The following SEMA6D variants were observed in gnomAD, a reference collection of about 807,000 sequenced individuals.
The protein encoded by SEMA6D is semaphorin 6D, also known as semaphorin-6D.
A neutral mutation model predicts 106.6 loss-of-function variants in SEMA6D; 35 were observed. That is an observed-to-expected ratio of 0.33 (90% CI 0.25 to 0.44). The LOEUF (loss-of-function observed/expected upper bound fraction) is 0.44, where lower values mean the gene tolerates loss of function less well. SEMA6D is among the 20% of genes least tolerant of loss of function. SEMA6D has a pLI of 1.00. For synonymous variants in SEMA6D, 499 were observed against 487.7 expected, an observed-to-expected ratio of 1.02 and a Z score of -0.31; for missense variants, 1,185 against 1,345.9, an observed-to-expected ratio of 0.88 and a Z score of 1.87.
intron 4 of SEMA6D, among the ~76,000 whole-genome samples, chr15:47,601,253 C>T (rs2076651940): frequency 6.6e-6 from 1 of 152,088 alleles, no homozygotes; most frequent in Admixed American, 6.6e-5. Context: ...GGCCTTGCAC[C>T]TCTCCAAAGC....
intron 1 of SEMA6D, among the ~76,000 whole-genome samples, chr15:47,331,916 A>G (rs1349106422): frequency 6.6e-6 from 1 of 152,158 alleles, no homozygotes; most frequent in East Asian, 1.9e-4. Context: ...CAGAAACCTA[A>G]TGGAGTGATG....
intron 1 of SEMA6D, among the ~76,000 whole-genome samples, chr15:47,348,781 G>A (rs635106): frequency 0.53 from 76,421 of 144,906 alleles, 23,269 homozygotes; most frequent in African/African-American, 0.85. Flanking sequence ...TTCCTGCTAT[G>A]CCAGACCAGA....
chr15:47,362,251 C>G (rs281267), intron 1 of SEMA6D, among the ~76,000 whole-genome samples: 96,361 of 152,018 alleles, frequency 0.63, 31,618 homozygotes, highest in Non-Finnish European at 0.72. Context: ...ACAACTCACG[C>G]CTGCCTTGGT....
At chr15:47,423,655 A>G (rs1487045448) in intron 2 of SEMA6D, among the ~76,000 whole-genome samples, 2 of 152,022 alleles carry the variant, frequency 1.3e-5, no homozygotes, top group Non-Finnish European at 2.9e-5. Context: ...CATGTTTTGG[A>G]TATACAATAA....
intron 2 of SEMA6D, among the ~76,000 whole-genome samples, chr15:47,417,619 G>A (rs1472916301): frequency 6.6e-6 from 1 of 152,016 alleles, no homozygotes; most frequent in Non-Finnish European, 1.5e-5. Context: ...AATTCTTAAT[G>A]TTGTTTTGGT....
At chr15:47,630,835 C>T (rs1334197639) in intron 4 of SEMA6D, among the ~76,000 whole-genome samples, 2 of 151,768 alleles carry the variant, frequency 1.3e-5, no homozygotes, top group Non-Finnish European at 3.0e-5. Context: ...AATGTTTCTT[C>T]TCTATCAATT....
chr15:47,579,389 A>C (rs2076216095), intron 3 of SEMA6D, among the ~76,000 whole-genome samples: 1 of 151,764 alleles, frequency 6.6e-6, no homozygotes. Flanking sequence ...TGACCCACCC[A>C]CCTAGGCCTC....
intron 2 of SEMA6D, among the ~76,000 whole-genome samples, chr15:47,436,942 AAAAAT>A (rs2041732005): frequency 6.7e-6 from 1 of 148,630 alleles, no homozygotes; most frequent in Non-Finnish European, 1.5e-5. Context: ...TCAGAAAAAA[AAAAAT>A]AAAAGAAGAA....
intron 1 of SEMA6D, among the ~76,000 whole-genome samples, chr15:47,246,383 C>T (rs575040801): frequency 1.1e-4 from 17 of 152,188 alleles, no homozygotes; most frequent in South Asian, 1.0e-3. Context: ...GTACAGCCTA[C>T]GGTACAGGGC....
At chr15:47,237,798 CT>C (rs1277515769) in intron 1 of SEMA6D, among the ~76,000 whole-genome samples, 1 of 152,074 alleles carries the variant, frequency 6.6e-6, no homozygotes, top group Non-Finnish European at 1.5e-5. Flanking sequence ...AGGGAAGATT[CT>C]GAGGCCCTGG....
At chr15:47,333,227 T>G (rs2037414081) in intron 1 of SEMA6D, among the ~76,000 whole-genome samples, 1 of 152,170 alleles carries the variant, frequency 6.6e-6, no homozygotes, top group Non-Finnish European at 1.5e-5. Context: ...AGATAAGTCA[T>G]GATTAACAGA....
intron 2 of SEMA6D, chr15:47,470,451 CTTTTT>C (rs913812749): frequency 6.7e-6 from 1 of 149,992 alleles, no homozygotes; most frequent in African/African-American, 2.5e-5. Context: ...TATTTTTGTT[CTTTTT>C]TTTTCTATTT....
At chr15:47,757,026 T>C (rs2081790662) in intron 1 of SEMA6D, among the ~76,000 whole-genome samples, 1 of 151,884 alleles carries the variant, frequency 6.6e-6, no homozygotes, top group Non-Finnish European at 1.5e-5. Flanking sequence ...TTCTGCAGTG[T>C]CAGATGAATG....
intron 4 of SEMA6D, among the ~76,000 whole-genome samples, chr15:47,667,953 C>T (rs1326232242): frequency 6.6e-6 from 1 of 152,176 alleles, no homozygotes. Flanking sequence ...TTTTCCTTCT[C>T]TATTTATTCC....
At chr15:47,239,879 G>A (rs2032796705) in intron 1 of SEMA6D, among the ~76,000 whole-genome samples, 1 of 152,156 alleles carries the variant, frequency 6.6e-6, no homozygotes, top group Non-Finnish European at 1.5e-5. Context: ...TATTGTTGTT[G>A]TTATCTACCC....
At chr15:47,416,404 C>G (rs2040970292) in intron 2 of SEMA6D, among the ~76,000 whole-genome samples, 1 of 152,052 alleles carries the variant, frequency 6.6e-6, no homozygotes, top group African/African-American at 2.4e-5. Context: ...GGGAAAGTAA[C>G]CAAAGAGAAT....
At chr15:47,386,624 A>G (rs1442820948) in intron 1 of SEMA6D, among the ~76,000 whole-genome samples, 5 of 152,092 alleles carry the variant, frequency 3.3e-5, no homozygotes, top group Non-Finnish European at 7.4e-5. Context: ...CTAGGCATGG[A>G]CCTGTCTTAG....
At chr15:47,500,861 A>G (rs1024726866) in intron 3 of SEMA6D, among the ~76,000 whole-genome samples, 4 of 152,284 alleles carry the variant, frequency 2.6e-5, no homozygotes, top group African/African-American at 2.4e-5. Context: ...TAGATATTCT[A>G]TAGAGGAGAG....
chr15:47,586,198 A>C (rs909981928), intron 3 of SEMA6D, among the ~76,000 whole-genome samples: 1 of 152,242 alleles, frequency 6.6e-6, no homozygotes, highest in Non-Finnish European at 1.5e-5. Context: ...GCTGTTTATT[A>C]TGGCCTCTTA....
Sources: gnomAD v4.1 joint callset for allele counts (sites outside exome capture counted in the v4.1 genomes callset) on GRCh38, gnomAD v4.1.1 for gene constraint, MANE v1.5 for transcripts, NCBI Gene and HGNC (gene_info 2026-07-23, HGNC 2026-07-21) for gene names.